Variants in TPRG1 observed in about 807,000 individuals in gnomAD.
TPRG1 encodes the protein tumor protein p63 regulated 1, also known as tumor protein p63-regulated gene 1 protein.
Under a neutral mutation model 29.3 loss-of-function variants are expected in TPRG1, and 29 were observed. That is an observed-to-expected ratio of 0.99 (90% CI 0.74 to 1.35). The LOEUF (loss-of-function observed/expected upper bound fraction) is 1.35, where lower values mean the gene tolerates loss of function less well. Ranked by LOEUF, TPRG1 falls within the 40% of genes most tolerant of loss-of-function variation. TPRG1 has a pLI of 0.00. For synonymous variants in TPRG1, 130 were observed against 116.8 expected, an observed-to-expected ratio of 1.11 and a Z score of -0.73; for missense variants, 327 against 335.0, an observed-to-expected ratio of 0.98 and a Z score of 0.19.
intron 4 of TPRG1, among the ~76,000 whole-genome samples, chr3:189,296,034 T>G (rs1719864654): frequency 6.6e-6 from 1 of 152,196 alleles, no homozygotes; most frequent in Non-Finnish European, 1.5e-5. Context: ...ATTCAAGAAC[T>G]GTTTCTAAAA....
At chr3:189,256,763 C>G (rs907354764) in intron 4 of TPRG1, among the ~76,000 whole-genome samples, 5 of 151,964 alleles carry the variant, frequency 3.3e-5, no homozygotes, top group African/African-American at 1.2e-4. Context: ...TATGTAATGC[C>G]CTTCTTTGTC....
intron 4 of TPRG1, among the ~76,000 whole-genome samples, chr3:189,093,945 T>C (rs7645199): frequency 0.093 from 14,083 of 151,992 alleles, 835 homozygotes; most frequent in African/African-American, 0.17. Context: ...AGAAAAGGGA[T>C]GGTCAAAGCA....
intron 1 of TPRG1, among the ~76,000 whole-genome samples, chr3:189,105,767 C>T (rs527859784): frequency 6.6e-6 from 1 of 152,130 alleles, no homozygotes; most frequent in African/African-American, 2.4e-5. Flanking sequence ...AATGTCCTTC[C>T]GACATAATAA....
At chr3:188,999,108 T>C (rs1264423409) in intron 1 of TPRG1, among the ~76,000 whole-genome samples, 1 of 151,800 alleles carries the variant, frequency 6.6e-6, no homozygotes, top group Non-Finnish European at 1.5e-5. Context: ...TCACAGGAGG[T>C]AAGGGTAAGG....
intron 5 of TPRG1, among the ~76,000 whole-genome samples, chr3:189,312,133 C>CT (rs1253052418): frequency 2.8e-5 from 1 of 35,708 alleles, no homozygotes; most frequent in African/African-American, 1.0e-4. Flanking sequence ...TTCTTTCTTT[C>CT]TTTCTTTCTT....
chr3:189,265,583 T>C (rs149057649), intron 4 of TPRG1, among the ~76,000 whole-genome samples: 1 of 152,280 alleles, frequency 6.6e-6, no homozygotes, highest in East Asian at 1.9e-4. Context: ...AAACACTAAA[T>C]AGCTCAGGCT....
At chr3:189,302,428 A>T (rs893919560) in intron 4 of TPRG1, among the ~76,000 whole-genome samples, 1 of 152,182 alleles carries the variant, frequency 6.6e-6, no homozygotes, top group Non-Finnish European at 1.5e-5. Flanking sequence ...TAAATTAATT[A>T]TTCATTATTG....
At chr3:189,098,761 C>T (rs560351641), upstream of TPRG1, among the ~76,000 whole-genome samples, 1 of 152,252 alleles carries the variant, frequency 6.6e-6, no homozygotes, top group East Asian at 1.9e-4. Context: ...ATTTCCAAGC[C>T]TTGTGGTTTC....
intron 3 of TPRG1, among the ~76,000 whole-genome samples, chr3:189,137,517 AG>A (rs1442438716): frequency 1.3e-5 from 2 of 152,160 alleles, no homozygotes; most frequent in African/African-American, 4.8e-5. Flanking sequence ...GTGAGCATCC[AG>A]GCCCTGCTGT....
rs565662133 is a variant in TPRG1, at chr3:189,042,160, A to G, written c.-463+18214A>G. Among the ~76,000 whole-genome samples, 40 of 151,874 alleles carry G rather than the reference A, an allele frequency of 2.6e-4. 3 individuals carry two copies. The South Asian group carries it at 8.3e-3, about 32-fold the overall frequency. ...GAAAATATCCTCAATTTTAGAAATT[A>G]AAAAAAAATCTGAAATTATAAAACA... On this transcript the variant is annotated intron_variant, in intron 4 of 10. Transcript: ENST00000433971.
intron 3 of TPRG1, among the ~76,000 whole-genome samples, chr3:189,220,253 A>T (rs1392468238): frequency 6.7e-6 from 1 of 148,574 alleles, no homozygotes; most frequent in Non-Finnish European, 1.5e-5. Flanking sequence ...CTATTCTTGA[A>T]AGAAGCACAA....
intron 4 of TPRG1, among the ~76,000 whole-genome samples, chr3:189,073,573 GT>G (rs776330429): frequency 2.0e-5 from 3 of 151,806 alleles, no homozygotes; most frequent in East Asian, 1.9e-4. Context: ...TTTGTACTTG[GT>G]TTTAGTGTTT....
intron 4 of TPRG1, among the ~76,000 whole-genome samples, chr3:189,075,135 A>AT (rs1002088177): frequency 4.7e-5 from 7 of 148,286 alleles, no homozygotes; most frequent in African/African-American, 1.5e-4. Flanking sequence ...AAATTTTATT[A>AT]TTTTTTTTAT....
At chr3:189,082,499 T>G (rs1717658627) in intron 4 of TPRG1, among the ~76,000 whole-genome samples, 3 of 152,206 alleles carry the variant, frequency 2.0e-5, no homozygotes, top group Admixed American at 2.0e-4. Flanking sequence ...TCCCAACTCT[T>G]GAAGGCTATA....
chr3:189,290,089 C>G (rs1718746677), intron 4 of TPRG1, among the ~76,000 whole-genome samples: 1 of 152,174 alleles, frequency 6.6e-6, no homozygotes, highest in Admixed American at 6.5e-5. Context: ...GGTCATGGCT[C>G]TATGGCAGTG....
intron 4 of TPRG1, among the ~76,000 whole-genome samples, chr3:189,245,273 T>C (rs1741207104): frequency 6.6e-6 from 1 of 152,150 alleles, no homozygotes; most frequent in Non-Finnish European, 1.5e-5. Flanking sequence ...GGGTTTACTT[T>C]TTCTTTTTTT....
intron 4 of TPRG1, among the ~76,000 whole-genome samples, chr3:189,302,802 T>A (rs1721040747): frequency 6.6e-6 from 1 of 152,198 alleles, no homozygotes; most frequent in Non-Finnish European, 1.5e-5. Flanking sequence ...ATAAATGGCC[T>A]GAGAAAGAGG....
At chr3:189,052,366 A>G (rs1020560012) in intron 4 of TPRG1, among the ~76,000 whole-genome samples, 2 of 152,236 alleles carry the variant, frequency 1.3e-5, no homozygotes, top group African/African-American at 4.8e-5. Context: ...ATGATCAGGG[A>G]AATGCAAATC....
chr3:189,231,902 A>G (rs919119480), intron 3 of TPRG1, among the ~76,000 whole-genome samples: 1 of 151,738 alleles, frequency 6.6e-6, no homozygotes, highest in African/African-American at 2.4e-5. Flanking sequence ...TGGCAGAATT[A>G]TTCCTCAGTT....
Sources: gnomAD v4.1 joint callset for allele counts (sites outside exome capture counted in the v4.1 genomes callset) on GRCh38, gnomAD v4.1.1 for gene constraint, MANE v1.5 for transcripts, NCBI Gene and HGNC (gene_info 2026-07-23, HGNC 2026-07-21) for gene names.